Variants in SLIT3 observed in about 807,000 individuals in gnomAD.
SLIT3 encodes the protein slit guidance ligand 3.
A neutral mutation model predicts 184.0 loss-of-function variants in SLIT3; 68 were observed. That is an observed-to-expected ratio of 0.37 (90% CI 0.30 to 0.45). The LOEUF (loss-of-function observed/expected upper bound fraction) is 0.45, where lower values mean the gene tolerates loss of function less well. Ranked by LOEUF, SLIT3 falls within the 20% of genes least tolerant of loss-of-function variation. SLIT3 has a pLI of 1.00. For missense variants in SLIT3, 1,707 were observed against 2,026.0 expected, an observed-to-expected ratio of 0.84 and a Z score of 3.02; for synonymous variants, 831 against 828.6, an observed-to-expected ratio of 1.00 and a Z score of -0.05.
intron 16 of SLIT3, 98 bp from the exon 17 acceptor site, chr5:168,754,105 G>A (rs1248314777): frequency 7.6e-7 from 1 of 1,312,906 alleles, no homozygotes; most frequent in Non-Finnish European, 1.0e-6. Context: ...GGACTCTCTG[G>A]GGCCCCTGAG....
intron 12 of SLIT3, among the ~76,000 whole-genome samples, chr5:168,782,168 G>C (rs1755997500): frequency 1.3e-5 from 2 of 152,274 alleles, no homozygotes; most frequent in Non-Finnish European, 2.9e-5. Flanking sequence ...AAATGGTCTT[G>C]TCTGCCTTCC....
intron 4 of SLIT3, among the ~76,000 whole-genome samples, chr5:169,104,709 C>G (rs973161926): frequency 2.6e-5 from 4 of 152,172 alleles, no homozygotes; most frequent in Admixed American, 6.5e-5. Context: ...TGGATCCACT[C>G]ACCCCCATGT....
At chr5:169,115,261 A>C (rs1288662781) in intron 4 of SLIT3, among the ~76,000 whole-genome samples, 1 of 152,142 alleles carries the variant, frequency 6.6e-6, no homozygotes, top group African/African-American at 2.4e-5. Flanking sequence ...GAAGCTTGGA[A>C]GCTTTTCTTC....
intron 4 of SLIT3, among the ~76,000 whole-genome samples, chr5:168,933,408 G>T (rs1164460387): frequency 6.6e-6 from 1 of 152,198 alleles, no homozygotes; most frequent in Admixed American, 6.5e-5. Flanking sequence ...GGGGCATGGT[G>T]GTATGCACCT....
At chr5:169,002,800 T>C (rs1325288588) in intron 4 of SLIT3, among the ~76,000 whole-genome samples, 1 of 152,276 alleles carries the variant, frequency 6.6e-6, no homozygotes, top group Admixed American at 6.5e-5. Context: ...AAACTTGTAC[T>C]ACTGTTTACT....
At chr5:168,891,787 G>A (rs1424116960) in intron 4 of SLIT3, among the ~76,000 whole-genome samples, 1 of 152,210 alleles carries the variant, frequency 6.6e-6, no homozygotes, top group African/African-American at 2.4e-5. Flanking sequence ...TTACCAATAC[G>A]AGTGCCTGTT....
chr5:168,783,152 A>G (rs1441799127), intron 12 of SLIT3, among the ~76,000 whole-genome samples: 1 of 152,122 alleles, frequency 6.6e-6, no homozygotes, highest in Non-Finnish European at 1.5e-5. Flanking sequence ...TGTTCCTTTG[A>G]ACGCTAAGAT....
intron 32 of SLIT3, among the ~76,000 whole-genome samples, chr5:168,679,709 C>T (rs1761523878): frequency 1.3e-5 from 2 of 152,116 alleles, no homozygotes; most frequent in Admixed American, 1.3e-4. Context: ...AGACCTCAGG[C>T]CCCACTGCAG....
intron 4 of SLIT3, among the ~76,000 whole-genome samples, chr5:168,890,350 A>C (rs1760403786): frequency 6.6e-6 from 1 of 152,192 alleles, no homozygotes; most frequent in South Asian, 2.1e-4. Context: ...ACTCACAGGG[A>C]ATGCAGGCTT....
At chr5:168,866,504 C>T (rs1022291231) in intron 5 of SLIT3, among the ~76,000 whole-genome samples, 1 of 152,218 alleles carries the variant, frequency 6.6e-6, no homozygotes, top group African/African-American at 2.4e-5. Flanking sequence ...ATCTCATCTC[C>T]ACTCCTGGCC....
At chr5:169,037,213 C>T (rs1757285852) in intron 4 of SLIT3, among the ~76,000 whole-genome samples, 1 of 152,228 alleles carries the variant, frequency 6.6e-6, no homozygotes, top group South Asian at 2.1e-4. Context: ...CATTAGTAGT[C>T]ACTTTTTAAT....
At chr5:168,755,744 C>T (rs985016510) in intron 16 of SLIT3, among the ~76,000 whole-genome samples, 5 of 152,166 alleles carry the variant, frequency 3.3e-5, no homozygotes, top group African/African-American at 4.8e-5. Context: ...CTGGTGCTGC[C>T]ATTTCTGAGT....
At chr5:168,931,713 C>G (rs1761992092) in intron 4 of SLIT3, among the ~76,000 whole-genome samples, 1 of 152,188 alleles carries the variant, frequency 6.6e-6, no homozygotes, top group South Asian at 2.1e-4. Flanking sequence ...CTACATTGTG[C>G]TAAGTAAGTG....
chr5:168,722,220 A>G, intron 23 of SLIT3, 36 bp downstream of exon 23: 1 of 1,596,378 alleles, frequency 6.3e-7, no homozygotes, highest in East Asian at 2.2e-5. Flanking sequence ...TCACTCAGCA[A>G]TGTGTAAGTC....
At chr5:168,880,384 C>T (rs951948556) in intron 5 of SLIT3, among the ~76,000 whole-genome samples, 1 of 152,240 alleles carries the variant, frequency 6.6e-6, no homozygotes, top group Non-Finnish European at 1.5e-5. Flanking sequence ...ATCACACACT[C>T]TTCTGCCCCA....
intron 4 of SLIT3, among the ~76,000 whole-genome samples, chr5:169,056,411 A>G (rs1758003397): frequency 6.6e-6 from 1 of 152,200 alleles, no homozygotes; most frequent in Non-Finnish European, 1.5e-5. Context: ...GCATACTTAC[A>G]TGACCATCTG....
At chr5:168,901,441 A>G (rs552408754) in intron 4 of SLIT3, among the ~76,000 whole-genome samples, 1 of 152,252 alleles carries the variant, frequency 6.6e-6, no homozygotes, top group South Asian at 2.1e-4. Context: ...TAATAAAAAG[A>G]ATCTCCATCC....
At chr5:169,132,952 C>T (rs1761360060) in intron 4 of SLIT3, among the ~76,000 whole-genome samples, 1 of 152,106 alleles carries the variant, frequency 6.6e-6, no homozygotes, top group Non-Finnish European at 1.5e-5. Context: ...TTTTTATTTT[C>T]AAGCCATTGC....
chr5:168,844,894 G>A (rs945830526), intron 5 of SLIT3: 4 of 379,902 alleles, frequency 1.1e-5, no homozygotes, highest in African/African-American at 7.0e-5. Flanking sequence ...TATTAATTGC[G>A]CATTTTTTTT....
Sources: allele counts gnomAD v4.1 joint callset (sites outside exome capture counted in the v4.1 genomes callset), GRCh38; gene constraint gnomAD v4.1.1; transcripts MANE v1.5; gene names NCBI Gene and HGNC (gene_info 2026-07-23, HGNC 2026-07-21).